The following ITGA1 variants were observed in gnomAD, a reference collection of about 807,000 sequenced individuals.
ITGA1 encodes integrin alpha-1.
A neutral mutation model predicts 145.9 loss-of-function variants in ITGA1; 85 were observed. That is an observed-to-expected ratio of 0.58 (90% confidence interval 0.49 to 0.70). ITGA1 has a LOEUF of 0.70. Ranked by LOEUF, ITGA1 falls within the 30% of genes least tolerant of loss-of-function variation. The pLI, the probability that ITGA1 is intolerant of heterozygous loss-of-function variation, is 0.00. For synonymous variants in ITGA1, 520 were observed against 495.3 expected, an observed-to-expected ratio of 1.05 and a Z score of -0.66; for missense variants, 1,351 against 1,418.7, an observed-to-expected ratio of 0.95 and a Z score of 0.77.
At chr5:52,895,483 A>G (rs1750210594) in intron 9 of ITGA1, among the ~76,000 whole-genome samples, 1 of 152,230 alleles carries the variant, frequency 6.6e-6, no homozygotes, top group Non-Finnish European at 1.5e-5. Context: ...TTTTAATAAC[A>G]TGGGCTAAGA....
chr5:52,923,385 T>C (rs1750758729), intron 18 of ITGA1, among the ~76,000 whole-genome samples: 1 of 152,074 alleles, frequency 6.6e-6, no homozygotes, highest in African/African-American at 2.4e-5. Context: ...AGGCCGTCTA[T>C]AGTTGTTTTT....
intron 1 of ITGA1, among the ~76,000 whole-genome samples, chr5:52,791,145 T>C (rs1561208516): frequency 6.6e-6 from 1 of 152,190 alleles, no homozygotes; most frequent in Non-Finnish European, 1.5e-5. Context: ...GTCCAAAGGA[T>C]TGTTATTTTA....
At chr5:52,931,875 T>C (rs1395860522) in intron 21 of ITGA1, 172 bp from the exon 22 acceptor site, 2 of 488,512 alleles carry the variant, frequency 4.1e-6, no homozygotes, top group East Asian at 6.5e-5. Context: ...CTTTCAACCA[T>C]ACCAATCATC....
In ITGA1 at chr5:52,955,366, TAG is replaced by T. The variant is rs1751288884; in HGVS notation, c.*2917_*2918del. 1 of 101,054 alleles carries T rather than the reference TAG, an allele frequency of 9.9e-6. No homozygotes were observed. The highest frequency in any genetic ancestry group is 2.8e-4 in the South Asian group (1 of 3,564). The allele number at this position is 101,054 out of a possible 1,614,324, so 6.3% of individuals were successfully genotyped here. On this transcript the variant is annotated 3_prime_UTR_variant, in exon 29 of 29. Coordinates refer to ENST00000282588, the MANE Select transcript of ITGA1 (RefSeq NM_181501.2). ...ATAGACAGATAGATAGATAGATAGA[TAG>T]ATAGATAGATAGATAGATAGATAGA...
intron 26 of ITGA1, among the ~76,000 whole-genome samples, chr5:52,941,424 C>T (rs1309568001): frequency 6.6e-6 from 1 of 152,178 alleles, no homozygotes; most frequent in African/African-American, 2.4e-5. Context: ...TCTGCTGCCT[C>T]ACCATTTTCT....
At chr5:52,829,719 T>G (rs140554042) in intron 1 of ITGA1, among the ~76,000 whole-genome samples, 2 of 152,320 alleles carry the variant, frequency 1.3e-5, no homozygotes, top group African/African-American at 4.8e-5. Context: ...TTTTTAGTAT[T>G]GCCAAATACA....
At chr5:52,875,227 C>T (rs562167070) in intron 6 of ITGA1, among the ~76,000 whole-genome samples, 1 of 151,830 alleles carries the variant, frequency 6.6e-6, no homozygotes, top group Non-Finnish European at 1.5e-5. Flanking sequence ...GATTATTTGA[C>T]CATAGAATTC....
chr5:52,891,896 T>C (rs1750157554), intron 8 of ITGA1, among the ~76,000 whole-genome samples: 1 of 152,088 alleles, frequency 6.6e-6, no homozygotes. Context: ...AACATTTTTA[T>C]ATTAAAAACA....
At position 52,922,768 on chromosome 5, in the gene ITGA1, A is replaced by G. The variant is rs754893814; in HGVS notation, c.2293-9A>G. The G allele has an allele frequency of 6.4e-7, 1 of 1,554,804 alleles. No individual in the cohort carries two copies. The highest frequency in any genetic ancestry group is 8.9e-7 in the Non-Finnish European group (1 of 1,127,764). ...ATACCAGTGATATATTTTATGTTTC[A>G]CCCTCTAGGACAAGCATGACTTTCA... On this transcript the variant is annotated splice_polypyrimidine_tract_variant and intron_variant, in intron 17 of 28. Transcript: ENST00000282588.
At chr5:52,800,963 T>A in intron 1 of ITGA1, 1 of 1,614,132 alleles carries the variant, frequency 6.2e-7, no homozygotes. Flanking sequence ...GAACAGGTGG[T>A]CCAGGCTATC....
chr5:52,898,567 T>G (rs770375133), intron 11 of ITGA1, among the ~76,000 whole-genome samples, 184 bp downstream of exon 11: 1 of 152,158 alleles, frequency 6.6e-6, no homozygotes, highest in Non-Finnish European at 1.5e-5. Flanking sequence ...CAAAATGACA[T>G]ACATGGGGGT....
rs1751335740 is a variant in ITGA1 at position 52,958,626 on chromosome 5, G to A, written c.*6175G>A. The A allele has an allele frequency of 6.6e-6, 1 of 152,172 alleles. No homozygotes were observed. The highest frequency in any genetic ancestry group is 2.1e-4 in the South Asian group (1 of 4,832). The allele number at this position is 152,172 out of a possible 1,614,324, so 9.4% of individuals were successfully genotyped here. A position where few individuals can be genotyped will look rare whatever the true frequency, so the allele number is the denominator to read the frequency against. On this transcript the variant is annotated 3_prime_UTR_variant, in exon 29 of 29. Transcript: ENST00000282588. ...CTTATTAGGAAAAATTGGCCTGTAAGGAGAATGGTATACTGCGTATTACTA... is the reference window on the plus strand; with the variant it reads ...CTTATTAGGAAAAATTGGCCTGTAAAGAGAATGGTATACTGCGTATTACTA...
intron 2 of ITGA1, among the ~76,000 whole-genome samples, chr5:52,853,804 T>C (rs1424908916): frequency 3.3e-5 from 5 of 152,188 alleles, no homozygotes; most frequent in African/African-American, 4.8e-5. Context: ...GTAATTGCAA[T>C]GTGGTTCAGA....
At chr5:52,805,532 AAGT>A (rs1748575192) in intron 1 of ITGA1, among the ~76,000 whole-genome samples, 1 of 152,156 alleles carries the variant, frequency 6.6e-6, no homozygotes, top group South Asian at 2.1e-4. Context: ...TTATGGAAAA[AAGT>A]AGAATCCAAA....
chr5:52,905,235 C>A (rs1304747798), intron 11 of ITGA1: 2 of 152,146 alleles, frequency 1.3e-5, no homozygotes, highest in African/African-American at 4.8e-5. Context: ...AATATTAAAA[C>A]CACCTGAATT....
intron 20 of ITGA1, among the ~76,000 whole-genome samples, 184 bp downstream of exon 20, chr5:52,927,848 T>C (rs1180357717): frequency 2.0e-5 from 3 of 152,208 alleles, no homozygotes; most frequent in African/African-American, 7.2e-5. Context: ...AATTCATATG[T>C]TAATACTTAA....
chr5:52,906,667 T>A (rs1000407582), intron 12 of ITGA1, among the ~76,000 whole-genome samples: 1 of 152,220 alleles, frequency 6.6e-6, no homozygotes, highest in Non-Finnish European at 1.5e-5. Context: ...TCTGTATTTT[T>A]CAACAGTTCT....
At chr5:52,811,268 TGAG>T (rs992159624) in intron 1 of ITGA1, among the ~76,000 whole-genome samples, 3 of 152,206 alleles carry the variant, frequency 2.0e-5, no homozygotes, top group South Asian at 2.1e-4. Context: ...TTGTGTGACT[TGAG>T]GAAATAATTT....
intron 9 of ITGA1, among the ~76,000 whole-genome samples, chr5:52,896,675 C>A (rs536169619): frequency 6.6e-6 from 1 of 152,306 alleles, no homozygotes; most frequent in Non-Finnish European, 1.5e-5. Context: ...AATAAATCAA[C>A]ATTCCATCAA....
Sources: allele counts gnomAD v4.1 joint callset (sites outside exome capture counted in the v4.1 genomes callset), GRCh38; gene constraint gnomAD v4.1.1; transcripts MANE v1.5; gene names NCBI Gene and HGNC (gene_info 2026-07-23, HGNC 2026-07-21).